RGS5: variants seen among roughly 807,000 people sequenced by gnomAD.
The protein encoded by RGS5 is regulator of G protein signaling 5.
RGS5 carries 20 observed loss-of-function variants against 18.9 expected under a neutral mutation model. That is an observed-to-expected ratio of 1.06 (90% CI 0.74 to 1.54). RGS5 has a LOEUF of 1.54. Among genes scored for constraint, RGS5 ranks in the 40% most tolerant of loss-of-function variants. RGS5 has a pLI of 0.00. For synonymous variants in RGS5, 57 were observed against 76.2 expected, an observed-to-expected ratio of 0.75 and a Z score of 1.31; for missense variants, 201 against 211.8, an observed-to-expected ratio of 0.95 and a Z score of 0.32.
chr1:163,276,448 A>AT (rs1454133929), intron 2 of RGS5, among the ~76,000 whole-genome samples: 5 of 152,136 alleles, frequency 3.3e-5, no homozygotes, highest in African/African-American at 1.2e-4. Flanking sequence ...AGATATTTAA[A>AT]TTTTTTTCAT....
chr1:163,284,083 G>T (rs961736599), intron 2 of RGS5, among the ~76,000 whole-genome samples: 3 of 152,128 alleles, frequency 2.0e-5, no homozygotes, highest in Admixed American at 1.3e-4. Context: ...ATTCCGCAAT[G>T]GGCTTAAAAA....
chr1:163,174,058 A>G (rs1658430544), intron 1 of RGS5, among the ~76,000 whole-genome samples: 3 of 152,190 alleles, frequency 2.0e-5, no homozygotes, highest in Admixed American at 2.0e-4. Context: ...CCTGGACAAC[A>G]GAGCAAGACT....
intron 1 of RGS5, among the ~76,000 whole-genome samples, chr1:163,313,892 G>C (rs1458501718): frequency 6.6e-6 from 1 of 152,182 alleles, no homozygotes; most frequent in Non-Finnish European, 1.5e-5. Context: ...GCTAGGGACA[G>C]AGCTTCTAAC....
chr1:163,154,929 A>AT (rs1657523139), intron 3 of RGS5, among the ~76,000 whole-genome samples: 2 of 143,868 alleles, frequency 1.4e-5, no homozygotes, highest in Non-Finnish European at 3.0e-5. Flanking sequence ...AACTAAAACT[A>AT]TAAGACTAAA....
chr1:163,288,249 AAAAGATAT>A (rs1280040418), intron 2 of RGS5, among the ~76,000 whole-genome samples: 7 of 152,196 alleles, frequency 4.6e-5, no homozygotes, highest in African/African-American at 1.7e-4. Flanking sequence ...TATTTAAACA[AAAAGATAT>A]AATAATCTGC....
intron 4 of RGS5, among the ~76,000 whole-genome samples, chr1:163,148,219 G>A (rs1017719973): frequency 1.3e-4 from 20 of 152,124 alleles, no homozygotes; most frequent in South Asian, 4.1e-4. Context: ...GAGCCACCGC[G>A]TCCGGCCCTG....
At chr1:163,310,871 G>A (rs1010307853) in intron 1 of RGS5, among the ~76,000 whole-genome samples, 3 of 152,074 alleles carry the variant, frequency 2.0e-5, no homozygotes, top group Non-Finnish European at 4.4e-5. Flanking sequence ...CAATCATGGC[G>A]GAATGCAAAG....
chr1:163,230,705 A>T (rs1254268620), intron 2 of RGS5, among the ~76,000 whole-genome samples: 2 of 152,242 alleles, frequency 1.3e-5, no homozygotes, highest in East Asian at 3.8e-4. Flanking sequence ...GTAAAGGATA[A>T]AAGATTTATA....
chr1:163,176,009 A>G (rs1658542298), intron 1 of RGS5, among the ~76,000 whole-genome samples: 3 of 152,220 alleles, frequency 2.0e-5, no homozygotes, highest in Non-Finnish European at 2.9e-5. Flanking sequence ...GATTAATTAC[A>G]TAATAAGCCC....
intron 2 of RGS5, among the ~76,000 whole-genome samples, chr1:163,257,294 G>A (rs1446211382): frequency 6.6e-6 from 1 of 152,100 alleles, no homozygotes; most frequent in Admixed American, 6.5e-5. Context: ...TGGGGTTGGG[G>A]AGGGCGAGAT....
chr1:163,161,992 G>A lies in RGS5; in HGVS notation c.156-16C>T, dbSNP rs763069631. The A allele has an allele frequency of 6.9e-6, 11 of 1,601,512 alleles. No homozygotes were observed. The highest frequency in any genetic ancestry group is 4.0e-5 in the African/African-American group (3 of 74,762). The stretch of plus-strand genomic sequence containing the variant: ...CAGCGAGGTTCTACATCAATAATAA[G>A]GAGAGAAAAGGGGTATGGCGTAAGT... On this transcript the variant is annotated splice_polypyrimidine_tract_variant and intron_variant, in intron 2 of 4. Coordinates refer to ENST00000313961, the MANE Select transcript of RGS5 (RefSeq NM_003617.4).
upstream of RGS5, among the ~76,000 whole-genome samples, chr1:163,207,442 A>G (rs1285668397): frequency 6.6e-6 from 1 of 152,110 alleles, no homozygotes; most frequent in Non-Finnish European, 1.5e-5. Flanking sequence ...ACCAATTTAG[A>G]CTCCTAACAG....
At chr1:163,214,938 T>C (rs1314414292) in intron 1 of RGS5, among the ~76,000 whole-genome samples, 1 of 152,196 alleles carries the variant, frequency 6.6e-6, no homozygotes, top group Admixed American at 6.5e-5. Context: ...ATCTCCTTTG[T>C]TCTCTTCCCT....
chr1:163,160,826 A>G (rs1198234745), intron 3 of RGS5, among the ~76,000 whole-genome samples: 2 of 152,170 alleles, frequency 1.3e-5, no homozygotes, highest in Non-Finnish European at 2.9e-5. Context: ...TAGGTAGGGT[A>G]TTTTAAATTG....
intron 2 of RGS5, among the ~76,000 whole-genome samples, chr1:163,272,978 T>C (rs1044319599): frequency 6.6e-6 from 1 of 152,136 alleles, no homozygotes; most frequent in Non-Finnish European, 1.5e-5. Context: ...TGATTTCTTT[T>C]TTGAATCATG....
intron 2 of RGS5, among the ~76,000 whole-genome samples, chr1:163,277,766 T>C (rs7539787): frequency 6.6e-6 from 1 of 151,982 alleles, no homozygotes; most frequent in South Asian, 2.1e-4. Flanking sequence ...AATAGATAAT[T>C]CAAAGAAATC....
chr1:163,274,543 T>C (rs1648804406), intron 2 of RGS5, among the ~76,000 whole-genome samples: 1 of 152,176 alleles, frequency 6.6e-6, no homozygotes, highest in South Asian at 2.1e-4. Flanking sequence ...CTGAGCTCTG[T>C]GAGCTGTTCT....
intron 2 of RGS5, among the ~76,000 whole-genome samples, chr1:163,270,526 AAAAAAT>A (rs1454713234): frequency 6.6e-6 from 1 of 152,008 alleles, no homozygotes; most frequent in Non-Finnish European, 1.5e-5. Context: ...TTTAAAAAGG[AAAAAAT>A]AAAAATAAAA....
intron 1 of RGS5, among the ~76,000 whole-genome samples, chr1:163,215,642 C>T (rs1438126389): frequency 2.6e-5 from 4 of 152,162 alleles, no homozygotes; most frequent in Non-Finnish European, 5.9e-5. Context: ...AACTCTTCTA[C>T]ACCAGAATGA....
Sources: gnomAD v4.1 joint callset for allele counts (sites outside exome capture counted in the v4.1 genomes callset) on GRCh38, gnomAD v4.1.1 for gene constraint, MANE v1.5 for transcripts, NCBI Gene and HGNC (gene_info 2026-07-23, HGNC 2026-07-21) for gene names.